The following KMO variants were observed in gnomAD, a reference collection of about 807,000 sequenced individuals.
KMO encodes kynurenine 3-monooxygenase.
Under a neutral mutation model 57.8 loss-of-function variants are expected in KMO, and 24 were observed. That is an observed-to-expected ratio of 0.42 (90% CI 0.30 to 0.58). KMO has a LOEUF of 0.58. KMO is among the 20% of genes least tolerant of loss of function. KMO has a pLI of 0.22. For missense variants in KMO, 483 were observed against 588.2 expected, an observed-to-expected ratio of 0.82 and a Z score of 1.85; for synonymous variants, 210 against 193.6, an observed-to-expected ratio of 1.08 and a Z score of -0.70.
chr1:241,583,736 A>T (rs1298047391), intron 10 of KMO, among the ~76,000 whole-genome samples: 2 of 151,966 alleles, frequency 1.3e-5, no homozygotes, highest in East Asian at 1.9e-4. Context: ...ATTGTTTTTT[A>T]AAAAATACTT....
At chr1:241,572,567 T>G (rs1320961474) in intron 10 of KMO, among the ~76,000 whole-genome samples, 1 of 152,060 alleles carries the variant, frequency 6.6e-6, no homozygotes, top group East Asian at 1.9e-4. Context: ...CTCAAGTTCA[T>G]TTTTGCTCTG....
intron 10 of KMO, among the ~76,000 whole-genome samples, chr1:241,576,965 G>T (rs1368880748): frequency 1.3e-5 from 2 of 151,896 alleles, no homozygotes; most frequent in East Asian, 3.9e-4. Context: ...GTCTGATTGG[G>T]TTAATTCAAA....
intron 10 of KMO, among the ~76,000 whole-genome samples, chr1:241,584,519 A>T (rs1437998265): frequency 1.3e-5 from 2 of 152,198 alleles, no homozygotes; most frequent in Non-Finnish European, 2.9e-5. Flanking sequence ...GTTGAGTAAA[A>T]CTATGAGCTG....
At chr1:241,585,314 A>T (rs1159492559) in intron 10 of KMO, among the ~76,000 whole-genome samples, 1 of 152,172 alleles carries the variant, frequency 6.6e-6, no homozygotes, top group African/African-American at 2.4e-5. Flanking sequence ...TAAATGAATT[A>T]ACTTAAACAA....
rs1661297578 is a variant in KMO, at chr1:241,549,266, A to AAAGGCGGAAAGAAAGAAAGG, written c.124+372_124+373insCGGAAAGAAAGAAAGGAAGG. Reference sequence around the variant, plus strand: ...GAAAGAAAGAAAGAAAGAAAGAAAGAAAGGAAGGAAGAAAGAAAGAAAGGA... The same window carrying AAAGGCGGAAAGAAAGAAAGG: ...GAAAGAAAGAAAGAAAGAAAGAAAGAAAGGCGGAAAGAAAGAAAGGAAGGAAGGAAGAAAGAAAGAAAGGA... On this transcript the variant is annotated intron_variant, in intron 2 of 14. Transcript: ENST00000366559. 2.6e-5 allele frequency among the ~76,000 whole-genome samples: 3 copies of AAAGGCGGAAAGAAAGAAAGG among 117,556 alleles called. 1 individual carries two copies. The highest frequency in any genetic ancestry group is 4.8e-4 in the East Asian group (2 of 4,152). 77.1% of individuals were successfully genotyped at this position (117,556 alleles called of 152,430 possible).
intron 4 of KMO, among the ~76,000 whole-genome samples, chr1:241,551,563 T>G (rs1164333502): frequency 6.6e-6 from 1 of 152,164 alleles, no homozygotes; most frequent in Non-Finnish European, 1.5e-5. Context: ...AGGAGACTCA[T>G]TATCCTGCTC....
rs1573946730 is a variant in KMO at position 241,593,627 on chromosome 1, T to A, written c.*1474T>A. ...TTGACAAGAGAAAAACAAACATAAA[T>A]TTATTAGCGGGTATATGTAATATAT... is the stretch of plus-strand genomic sequence containing the variant. On this transcript the variant is annotated 3_prime_UTR_variant, in exon 15 of 15. Coordinates refer to ENST00000366559, the MANE Select transcript of KMO (RefSeq NM_003679.5). 4.5e-6 allele frequency: 1 copy of A among 220,324 alleles called. No homozygotes were observed. The highest frequency in any genetic ancestry group is 9.8e-6 in the Non-Finnish European group (1 of 101,616). The allele number at this position is 220,324 out of a possible 1,614,324, so 13.6% of individuals were successfully genotyped here. A position where few individuals can be genotyped will look rare whatever the true frequency, so the allele number is the denominator to read the frequency against.
At position 241,594,461 on chromosome 1, in the gene KMO, G is replaced by C. The variant is rs1418875755; in HGVS notation, c.*2308G>C. On this transcript the variant is annotated 3_prime_UTR_variant, in exon 15 of 15. Transcript: ENST00000366559. ...GACGAACTTGGATTACATCAACTTT[G>C]GACCCATTGGTTTTGTCGCTGTCGT... 1 of 1,614,040 alleles carries C rather than the reference G, an allele frequency of 6.2e-7. No individual in the cohort carries two copies. The highest frequency in any genetic ancestry group is 1.7e-5 in the Admixed American group (1 of 60,004).
At chr1:241,577,749 C>T (rs1336289188) in intron 10 of KMO, among the ~76,000 whole-genome samples, 1 of 152,112 alleles carries the variant, frequency 6.6e-6, no homozygotes, top group Non-Finnish European at 1.5e-5. Flanking sequence ...GAAGGTATCC[C>T]TGGGCAGAAA....
At chr1:241,549,239 A>T (rs1417727195) in intron 2 of KMO, among the ~76,000 whole-genome samples, 1 of 15,776 alleles carries the variant, frequency 6.3e-5, no homozygotes, top group African/African-American at 1.2e-4. Context: ...GAAAGAAAGA[A>T]AGAAAGAAAG....
chr1:241,565,029 A>G lies in KMO; in HGVS notation c.658A>G (p.Thr220Ala), dbSNP rs751636476. 3.1e-6 allele frequency: 5 copies of G among 1,606,506 alleles called. No homozygotes were observed. Among genetic ancestry groups the G allele is most frequent in the Non-Finnish European group, 4.3e-6 (5 of 1,173,420 alleles). Residue 220 changes from threonine (T) to alanine (A), a missense_variant, in exon 8 of 15, where the codon ACC becomes GCC. Thr to Ala is a moderately conservative substitution (Grantham distance 58, BLOSUM62 0). Transcript: ENST00000366559. ...TTATCTGCATATTTGGCCTAGAAAT[A>G]CCTTTATGATGATTGCACTTCCTAA... is the stretch of plus-strand genomic sequence containing the variant. ...PNYLHIWPRN[T>A]FMMIALPNMN...
intron 10 of KMO, among the ~76,000 whole-genome samples, chr1:241,584,261 C>G (rs891535028): frequency 1.3e-5 from 2 of 152,102 alleles, no homozygotes; most frequent in African/African-American, 4.8e-5. Flanking sequence ...CTCATCATCA[C>G]TGGTCATCAG....
intron 5 of KMO, 70 bp downstream of exon 5, chr1:241,555,730 T>C: frequency 1.1e-6 from 1 of 932,136 alleles, no homozygotes; most frequent in Non-Finnish European, 1.7e-6. Context: ...TGTCATATGA[T>C]TTATTGGATT....
intron 10 of KMO, among the ~76,000 whole-genome samples, chr1:241,585,138 A>G (rs1376361548): frequency 1.3e-5 from 2 of 152,164 alleles, no homozygotes; most frequent in African/African-American, 4.8e-5. Flanking sequence ...CTAAGGCAGG[A>G]GAATCGCTTG....
chr1:241,545,533 A>C (rs998190932), intron 1 of KMO, among the ~76,000 whole-genome samples: 1 of 151,996 alleles, frequency 6.6e-6, no homozygotes, highest in Non-Finnish European at 1.5e-5. Flanking sequence ...TCTTTCCTCA[A>C]TGCGTGTCTG....
chr1:241,576,476 C>T (rs1662523189), intron 10 of KMO, among the ~76,000 whole-genome samples: 1 of 152,062 alleles, frequency 6.6e-6, no homozygotes, highest in Non-Finnish European at 1.5e-5. Context: ...ATTCCCTCAG[C>T]ATTTGTCTGA....
chr1:241,569,020 A>T (rs1041527583), intron 10 of KMO, among the ~76,000 whole-genome samples: 54 of 152,218 alleles, frequency 3.5e-4, no homozygotes, highest in Middle Eastern at 3.4e-3. Context: ...CTAATTTTTT[A>T]AAATTTTTTA....
At chr1:241,554,035 A>G (rs898148721) in intron 4 of KMO, among the ~76,000 whole-genome samples, 2 of 152,200 alleles carry the variant, frequency 1.3e-5, no homozygotes, top group African/African-American at 4.8e-5. Context: ...TTTAAAGAAT[A>G]GATTCACCCT....
At chr1:241,555,709 G>T in intron 5 of KMO, 49 bp downstream of exon 5, 1 of 1,075,696 alleles carries the variant, frequency 9.3e-7, no homozygotes, top group South Asian at 1.3e-5. Flanking sequence ...TAAAGCACAT[G>T]ACACTAATCT....
Sources: gnomAD v4.1 joint callset for allele counts (sites outside exome capture counted in the v4.1 genomes callset) on GRCh38, gnomAD v4.1.1 for gene constraint, MANE v1.5 for transcripts, NCBI Gene and HGNC (gene_info 2026-07-23, HGNC 2026-07-21) for gene names.